RNF157: variants seen among roughly 807,000 people sequenced by gnomAD.
The protein encoded by RNF157 is ring finger protein 157, also known as E3 ubiquitin ligase RNF157.
A neutral mutation model predicts 88.3 loss-of-function variants in RNF157; 55 were observed. The observed-to-expected ratio is 0.62, with a 90% CI of 0.50 to 0.78. The LOEUF (loss-of-function observed/expected upper bound fraction) is 0.78, where lower values mean the gene tolerates loss of function less well. Among genes scored for constraint, RNF157 ranks in the 30% least tolerant of loss-of-function variants. The pLI, the probability that RNF157 is intolerant of heterozygous loss-of-function variation, is 0.00. For missense variants in RNF157, 788 were observed against 860.8 expected (o/e 0.92, Z 1.06); for synonymous variants, 334 against 341.2 (o/e 0.98, Z 0.23).
chr17:76,205,428 G>C (rs991874560), intron 2 of RNF157, among the ~76,000 whole-genome samples: 1 of 151,962 alleles, frequency 6.6e-6, no homozygotes, highest in Non-Finnish European at 1.5e-5. Context: ...CGCCATGCCG[G>C]GCACATTTTA....
rs2068926963 is a variant in RNF157, at chr17:76,166,483, A to G, written c.606T>C (p.His202=). 1.2e-6 allele frequency: 2 copies of G among 1,613,972 alleles called. No homozygotes were observed. Among genetic ancestry groups the G allele is most frequent in the Non-Finnish European group, 1.7e-6 (2 of 1,180,000 alleles). ...LDREVYPLVV[H]AVVDEGDEYF... ...TACCGTCTCCTTCATCCACCACGGC[A>G]TGTACCACTAGAGGGTAAACTTCTC... Residue 202 remains histidine (H), a synonymous_variant, in exon 6 of 19, where the codon CAT becomes CAC. Transcript: ENST00000269391.
At chr17:76,152,796 G>C (rs906487242) in intron 17 of RNF157, among the ~76,000 whole-genome samples, 1 of 152,200 alleles carries the variant, frequency 6.6e-6, no homozygotes, top group Non-Finnish European at 1.5e-5. Flanking sequence ...GTGAGGCTGC[G>C]ACCAACCAGC....
At chr17:76,171,568 A>G (rs2069015301) in intron 3 of RNF157, among the ~76,000 whole-genome samples, 1 of 152,168 alleles carries the variant, frequency 6.6e-6, no homozygotes, top group Non-Finnish European at 1.5e-5. Context: ...TCAATCCTCC[A>G]TCTTTACCTG....
At chr17:76,170,610 G>A (rs962377867) in intron 3 of RNF157, among the ~76,000 whole-genome samples, 5 of 152,094 alleles carry the variant, frequency 3.3e-5, no homozygotes, top group Admixed American at 2.0e-4. Flanking sequence ...TACCTTGAAG[G>A]CAGACTTTCT....
chr17:76,228,794 G>A (rs767179185), intron 1 of RNF157, among the ~76,000 whole-genome samples: 3 of 151,762 alleles, frequency 2.0e-5, no homozygotes, highest in Non-Finnish European at 4.4e-5. Context: ...GGTGGTGGGC[G>A]CCTGTAATCC....
chr17:76,167,899 A>G lies in RNF157; in HGVS notation c.297-102T>C, dbSNP rs1186099022. The G allele has an allele frequency of 1.1e-5, 12 of 1,122,988 alleles. No individual in the cohort carries two copies. In the Admixed American group the frequency reaches 1.3e-4, roughly 12 times the overall value. 69.6% of individuals were successfully genotyped at this position (1,122,988 alleles called of 1,614,324 possible). A position where few individuals can be genotyped will look rare whatever the true frequency, so the allele number is the denominator to read the frequency against. On this transcript the variant is annotated intron_variant, in intron 3 of 18. Coordinates refer to ENST00000269391, the MANE Select transcript of RNF157 (RefSeq NM_052916.3). ...ATATTGTGGGCTTCTCTGAATGATC[A>G]TAAGCATAGGTCTACCTCTTCATTC...
chr17:76,161,793 C>T lies in RNF157; in HGVS notation c.952+50G>A, dbSNP rs762100769. The T allele has an allele frequency of 5.6e-6, 9 of 1,595,618 alleles. No homozygotes were observed. The Admixed American group carries it at 8.5e-5, about 15-fold the overall frequency. ...CATGCTTCAGTGTTTTGTAAATGTC[C>T]TCTTGTCCCCTCTCCCACCCACCAG... is the stretch of plus-strand genomic sequence containing the variant. On this transcript the variant is annotated intron_variant, in intron 10 of 18. Transcript: ENST00000269391. This position sits in a 1 kb window ranked among gnomAD's most constrained non-coding sequence, Gnocchi z 4.6.
chr17:76,224,914 G>C (rs1253860146), intron 1 of RNF157, among the ~76,000 whole-genome samples: 1 of 152,192 alleles, frequency 6.6e-6, no homozygotes, highest in Non-Finnish European at 1.5e-5. Context: ...GCTCATGCCT[G>C]TAATCCCAGC....
At chr17:76,220,060 G>T (rs1039258680) in intron 1 of RNF157, among the ~76,000 whole-genome samples, 2 of 152,038 alleles carry the variant, frequency 1.3e-5, no homozygotes, top group Non-Finnish European at 2.9e-5. Context: ...CCACTGAAAA[G>T]GCCTAGAAAC....
chr17:76,187,922 TTAATG>T (rs1431566789), intron 2 of RNF157, among the ~76,000 whole-genome samples: 1 of 152,158 alleles, frequency 6.6e-6, no homozygotes, highest in South Asian at 2.1e-4. Flanking sequence ...TTCTGAGTTA[TTAATG>T]TAAAGATGTG....
chr17:76,180,546 T>A (rs2069173217), intron 2 of RNF157, among the ~76,000 whole-genome samples: 1 of 152,212 alleles, frequency 6.6e-6, no homozygotes, highest in South Asian at 2.1e-4. Flanking sequence ...GTACTTTAGA[T>A]AGATTCTTTT....
In RNF157 at chr17:76,159,674, T is replaced by A. The variant is rs548504271; in HGVS notation, c.1066-101A>T. On this transcript the variant is annotated intron_variant, in intron 11 of 18. Coordinates refer to ENST00000269391, the MANE Select transcript of RNF157 (RefSeq NM_052916.3). ...CACTGAAAAAAATGTTTTATATCTG[T>A]TCTTGGGGGGGTCTGGTAAGAACAA... is the stretch of plus-strand genomic sequence containing the variant. The A allele has an allele frequency of 1.4e-4, 118 of 843,846 alleles. 1 individual carries two copies. The South Asian group carries it at 1.8e-3, about 13-fold the overall frequency. The allele number at this position is 843,846 out of a possible 1,614,324, so 52.3% of individuals were successfully genotyped here.
Position 76,156,303 on chromosome 17 carries a change from C to G in RNF157, c.1432G>C (p.Glu478Gln). 1 of 1,614,080 alleles carries G rather than the reference C, an allele frequency of 6.2e-7. No individual in the cohort carries two copies. The highest frequency in any genetic ancestry group is 2.2e-5 in the East Asian group (1 of 44,884). The change falls in exon 14 of 19, where the codon GAA becomes CAA. Residue 478 changes from glutamate (E) to glutamine (Q), a missense_variant. By Grantham distance (29) the Glu-to-Gln change is conservative. Coordinates refer to ENST00000269391, the MANE Select transcript of RNF157 (RefSeq NM_052916.3). ...GACGACAAGGTGAGATTCTCACTTT[C>G]TGGAGTCACACCACATTCCTGGGGG... is the stretch of plus-strand genomic sequence containing the variant. ...HLGEECGVTP[E>Q]SENLTLSSSG...
chr17:76,215,979 G>A (rs72868733), intron 1 of RNF157, among the ~76,000 whole-genome samples: 20,562 of 152,214 alleles, frequency 0.14, 2,032 homozygotes, highest in African/African-American at 0.26. Flanking sequence ...GAGGTACCTA[G>A]TTGCCTTAAG....
chr17:76,223,040 G>A (rs532902394), intron 1 of RNF157, among the ~76,000 whole-genome samples: 1 of 152,040 alleles, frequency 6.6e-6, no homozygotes, highest in African/African-American at 2.4e-5. Flanking sequence ...ACAGGCGCCC[G>A]CCACCATGCC....
In RNF157 at chr17:76,159,502, C is replaced by T. The variant is rs142752677; in HGVS notation, c.1137G>A (p.Pro379=). The change falls in exon 12 of 19, where the codon CCG becomes CCA. Residue 379 remains proline, a synonymous_variant. Coordinates refer to ENST00000269391, the MANE Select transcript of RNF157 (RefSeq NM_052916.3). ...CGTGAAGTGGAGGAACTGCTGGGGACGGGGTGAGGGGCCCGTTGAGGGCCT... is the reference window on the plus strand; with the variant it reads ...CGTGAAGTGGAGGAACTGCTGGGGATGGGGTGAGGGGCCCGTTGAGGGCCT... ...LLEALNGPLT[P]SPAVPPLHVL... The T allele has an allele frequency of 7.8e-5, 125 of 1,608,746 alleles. No individual in the cohort carries two copies. The highest frequency in any genetic ancestry group is 4.3e-4 in the African/African-American group (32 of 74,674).
At chr17:76,185,689 T>C (rs2069274215) in intron 2 of RNF157, among the ~76,000 whole-genome samples, 1 of 152,008 alleles carries the variant, frequency 6.6e-6, no homozygotes, top group Admixed American at 6.5e-5. Flanking sequence ...CAGGATGGTC[T>C]CGATCTCCTG....
chr17:76,202,132 A>T (rs201909046), intron 2 of RNF157, among the ~76,000 whole-genome samples: 4,452 of 103,326 alleles, frequency 0.043, 96 homozygotes, highest in African/African-American at 0.1. Context: ...TCTCTCTCAC[A>T]CACACACACA....
In RNF157 at chr17:76,167,134, T is replaced by C. The variant is rs749267758; in HGVS notation, c.444-8A>G. On this transcript the variant is annotated splice_polypyrimidine_tract_variant and splice_region_variant and intron_variant, in intron 4 of 18. Transcript: ENST00000269391. ...TTGTCTTTGGGAATGTAGCTATTGA[T>C]ACAAGTGGGAGGCAAAGCAAAAGTC... The C allele has an allele frequency of 7.5e-6, 12 of 1,607,570 alleles. No homozygotes were observed. In the South Asian group the frequency reaches 1.3e-4, roughly 18 times the overall value.
Sources: gnomAD v4.1 joint callset for allele counts (sites outside exome capture counted in the v4.1 genomes callset) on GRCh38, gnomAD v4.1.1 for gene constraint, Gnocchi (gnomAD v3.1) non-coding constraint, MANE v1.5 for transcripts, NCBI Gene and HGNC (gene_info 2026-07-23, HGNC 2026-07-21) for gene names.